Variants in C2CD2 observed in about 807,000 individuals in gnomAD.
C2CD2 encodes C2 calcium dependent domain containing 2.
In C2CD2, 43 loss-of-function variants were observed where a neutral mutation model predicts 74.3. The ratio of observed to expected loss-of-function variants is 0.58; its 90% CI spans 0.45 to 0.75. The LOEUF is 0.75. Ranked by LOEUF, C2CD2 falls within the 30% of genes least tolerant of loss-of-function variation. The pLI is 0.00. For synonymous variants in C2CD2, 422 were observed against 390.7 expected (o/e 1.08, Z -0.94); for missense variants, 801 against 916.3 (o/e 0.87, Z 1.63).
chr21:41,921,897 T>A (rs2065157674), intron 3 of C2CD2, 75 bp downstream of exon 3: 6 of 894,590 alleles, frequency 6.7e-6, no homozygotes, highest in Non-Finnish European at 1.1e-5. Flanking sequence ...GCCCTCTGAC[T>A]CACACCATGC....
intron 13 of C2CD2, among the ~76,000 whole-genome samples, chr21:41,893,597 T>C (rs896831352): frequency 5.3e-5 from 8 of 152,090 alleles, no homozygotes; most frequent in African/African-American, 1.9e-4. Context: ...GCTCTGTGCC[T>C]CTTCTTACAC....
At chr21:41,909,412 G>A (rs766847799) in intron 8 of C2CD2, 47 bp downstream of exon 8, 2 of 1,335,840 alleles carry the variant, frequency 1.5e-6, no homozygotes, top group Admixed American at 1.7e-5. Flanking sequence ...TCATGCAGCG[G>A]AGGACCTTTC....
Position 41,930,633 on chromosome 21 carries a change from C to T in C2CD2, c.379-8548G>A, listed in dbSNP as rs144225674. 6.8e-3 allele frequency among the ~76,000 whole-genome samples: 1,010 copies of T among 148,912 alleles called. 21 individuals carry two copies. Among genetic ancestry groups the T allele is most frequent in the African/African-American group, 0.023 (944 of 41,078 alleles). On this transcript the variant is annotated intron_variant, in intron 2 of 13. Coordinates refer to ENST00000380486, the MANE Select transcript of C2CD2 (RefSeq NM_015500.2). Reference sequence around the variant, plus strand: ...AGGAGAGTCACTTGAACCCGGCAGGCGGAGGTTGCAGTAAGCCAAGATTGC... The same window carrying T: ...AGGAGAGTCACTTGAACCCGGCAGGTGGAGGTTGCAGTAAGCCAAGATTGC...
At chr21:41,916,507 A>G (rs909753359) in intron 5 of C2CD2, among the ~76,000 whole-genome samples, 1 of 152,072 alleles carries the variant, frequency 6.6e-6, no homozygotes, top group African/African-American at 2.4e-5. Context: ...ATGGGTCTTG[A>G]GCCCAGTGGC....
In C2CD2 at chr21:41,926,539, G is replaced by C. The variant is rs1050193634; in HGVS notation, c.379-4454C>G. The C allele has an allele frequency of 2.6e-6, 2 of 756,084 alleles. No homozygotes were observed. The highest frequency in any genetic ancestry group is 6.6e-4 in the Middle Eastern group (1 of 1,508). 46.8% of individuals were successfully genotyped at this position (756,084 alleles called of 1,614,324 possible). On this transcript the variant is annotated intron_variant, in intron 2 of 13. Transcript: ENST00000380486. The surrounding 1 kb of genome is among the most constrained non-coding windows in gnomAD (Gnocchi z 8.0). ...ATTCACCTTCTCGGTGCTCTCTCCAGCCTCAACACCTTGACCTCATGTAGT... is the reference window on the plus strand; with the variant it reads ...ATTCACCTTCTCGGTGCTCTCTCCACCCTCAACACCTTGACCTCATGTAGT...
intron 5 of C2CD2, among the ~76,000 whole-genome samples, chr21:41,915,775 T>C (rs944305955): frequency 6.6e-6 from 1 of 151,438 alleles, no homozygotes; most frequent in African/African-American, 2.5e-5. Context: ...TTTGTTCGTT[T>C]GTTTGTTTTA....
chr21:41,936,815 C>CTTT (rs34112713), intron 2 of C2CD2, among the ~76,000 whole-genome samples: 51 of 102,980 alleles, frequency 5.0e-4, no homozygotes, highest in African/African-American at 1.4e-3. Context: ...TTTTCTTTTC[C>CTTT]TTTTTTTTTT....
intron 2 of C2CD2, among the ~76,000 whole-genome samples, chr21:41,934,717 C>T (rs1442227095): frequency 6.6e-6 from 1 of 152,218 alleles, no homozygotes; most frequent in Non-Finnish European, 1.5e-5. Context: ...ACTCCATCCT[C>T]ATAGCCCGTC....
In C2CD2 at chr21:41,907,768, C is replaced by T. The variant is rs778520659; in HGVS notation, c.1035G>A (p.Ala345=). The part of the protein sequence containing the change: ...GRSSEGLLAT[A]TVPLDLFKKQ... The stretch of plus-strand genomic sequence containing the variant: ...TCTTAAATAAGTCCAGAGGAACTGT[C>T]GCCGTCGCCAGCAGACCTGAAAAGA... The change falls in exon 9 of 14, where the codon GCG becomes GCA. Residue 345 remains alanine, a synonymous_variant. Coordinates refer to ENST00000380486, the MANE Select transcript of C2CD2 (RefSeq NM_015500.2). 1.2e-5 allele frequency: 19 copies of T among 1,613,964 alleles called. 1 individual carries two copies. The highest frequency in any genetic ancestry group is 5.5e-5 in the South Asian group (5 of 91,062).
intron 2 of C2CD2, among the ~76,000 whole-genome samples, chr21:41,925,752 C>G (rs182760433): frequency 7.2e-5 from 11 of 152,320 alleles, no homozygotes; most frequent in African/African-American, 2.6e-4. Context: ...AGGGGTTCCT[C>G]GCATCACAGC....
At chr21:41,927,883 C>A (rs1359059554) in intron 2 of C2CD2, among the ~76,000 whole-genome samples, 2 of 152,200 alleles carry the variant, frequency 1.3e-5, no homozygotes, top group African/African-American at 4.8e-5. Context: ...GAAGCCTCCA[C>A]CACGTGGGGC....
At chr21:41,917,105 C>T (rs896689827) in intron 5 of C2CD2, among the ~76,000 whole-genome samples, 5 of 152,190 alleles carry the variant, frequency 3.3e-5, no homozygotes, top group East Asian at 3.9e-4. Flanking sequence ...TCTGCTGGCC[C>T]GGTGCCCCTT....
chr21:41,907,986 G>A, intron 8 of C2CD2: 1 of 603,208 alleles, frequency 1.7e-6, no homozygotes, highest in Non-Finnish European at 2.9e-6. Flanking sequence ...GCAGGACAGA[G>A]GATGCTAAAG....
At chr21:41,906,669 CATT>C (rs1250487050) in intron 10 of C2CD2, among the ~76,000 whole-genome samples, 1 of 152,178 alleles carries the variant, frequency 6.6e-6, no homozygotes, top group Non-Finnish European at 1.5e-5. Context: ...CCAGCCCTAT[CATT>C]GAGTTCTTAA....
rs937108561 is a variant in C2CD2, at chr21:41,903,894, A to G, written c.1432+1830T>C. 2.0e-5 allele frequency among the ~76,000 whole-genome samples: 3 copies of G among 152,156 alleles called. No individual in the cohort carries two copies. The highest frequency in any genetic ancestry group is 4.8e-5 in the African/African-American group (2 of 41,432). Reference sequence around the variant, plus strand: ...CAGCATGGGCAGTGGGGGCACTGCCAGGGGAAGAAACTGAGGAAGGGGCAT... The same window carrying G: ...CAGCATGGGCAGTGGGGGCACTGCCGGGGGAAGAAACTGAGGAAGGGGCAT... On this transcript the variant is annotated intron_variant, in intron 11 of 13. Transcript: ENST00000380486. The surrounding 1 kb of genome is among the most constrained non-coding windows in gnomAD (Gnocchi z 4.5).
intron 1 of C2CD2, among the ~76,000 whole-genome samples, chr21:41,950,419 C>T (rs2065440748): frequency 6.6e-6 from 1 of 152,196 alleles, no homozygotes; most frequent in African/African-American, 2.4e-5. Context: ...AGACCCCTTT[C>T]TGGAGTGAGG....
intron 3 of C2CD2, among the ~76,000 whole-genome samples, chr21:41,921,235 G>A (rs973483154): frequency 5.9e-5 from 9 of 152,208 alleles, no homozygotes; most frequent in South Asian, 2.1e-4. Context: ...CACGGGACAC[G>A]GGAGATGAAA....
At chr21:41,911,846 G>A (rs1266287293) in intron 7 of C2CD2, among the ~76,000 whole-genome samples, 1 of 152,088 alleles carries the variant, frequency 6.6e-6, no homozygotes, top group Non-Finnish European at 1.5e-5. Context: ...GGCAAGGCAA[G>A]GGCCACCATG....
At chr21:41,916,335 C>T (rs1192674450) in intron 5 of C2CD2, among the ~76,000 whole-genome samples, 1 of 152,160 alleles carries the variant, frequency 6.6e-6, no homozygotes, top group East Asian at 1.9e-4. Flanking sequence ...ACTTGGCACA[C>T]CCAATGATGC....
Sources: allele counts gnomAD v4.1 joint callset (sites outside exome capture counted in the v4.1 genomes callset), GRCh38; gene constraint gnomAD v4.1.1; non-coding constraint Gnocchi (gnomAD v3.1); transcripts MANE v1.5; gene names NCBI Gene and HGNC (gene_info 2026-07-23, HGNC 2026-07-21).